ATP8B4: variants seen among roughly 807,000 people sequenced by gnomAD.
ATP8B4 encodes probable phospholipid-transporting ATPase IM.
Under a neutral mutation model 145.6 loss-of-function variants are expected in ATP8B4, and 133 were observed. The ratio of observed to expected loss-of-function variants is 0.91; its 90% CI spans 0.79 to 1.05. The LOEUF is 1.05. Among genes scored for constraint, ATP8B4 ranks in the 50% least tolerant of loss-of-function variants. The pLI is 0.00. For missense variants in ATP8B4, 1,458 were observed against 1,425.2 expected, an observed-to-expected ratio of 1.02 and a Z score of -0.37; for synonymous variants, 507 against 492.9, an observed-to-expected ratio of 1.03 and a Z score of -0.38.
At chr15:50,056,616 A>G (rs1278062996) in intron 3 of ATP8B4, among the ~76,000 whole-genome samples, 2 of 152,096 alleles carry the variant, frequency 1.3e-5, no homozygotes, top group Non-Finnish European at 2.9e-5. Flanking sequence ...TGAGAAATAA[A>G]AAAGAACTTC....
At chr15:49,873,925 T>G (rs1229715882) in intron 25 of ATP8B4, among the ~76,000 whole-genome samples, 3 of 152,334 alleles carry the variant, frequency 2.0e-5, no homozygotes, top group Non-Finnish European at 2.9e-5. Context: ...TGGGCACATT[T>G]GAAAACTGTC....
At chr15:49,933,191 C>T (rs1373512037) in intron 15 of ATP8B4, among the ~76,000 whole-genome samples, 1 of 150,940 alleles carries the variant, frequency 6.6e-6, no homozygotes, top group East Asian at 1.9e-4. Flanking sequence ...AGAAACAATG[C>T]AGAATAAGAT....
At chr15:49,903,714 A>G (rs1218698588) in intron 20 of ATP8B4, among the ~76,000 whole-genome samples, 2 of 152,124 alleles carry the variant, frequency 1.3e-5, no homozygotes, top group African/African-American at 4.8e-5. Flanking sequence ...AACAACATAG[A>G]GAAACCCCCA....
chr15:50,175,754 T>A (rs937608763), intron 1 of ATP8B4, among the ~76,000 whole-genome samples: 2 of 152,212 alleles, frequency 1.3e-5, no homozygotes, highest in African/African-American at 4.8e-5. Context: ...CTAGTGGGAA[T>A]GTAAACTAGT....
At chr15:50,017,255 A>C (rs1210002108) in intron 6 of ATP8B4, among the ~76,000 whole-genome samples, 1 of 152,250 alleles carries the variant, frequency 6.6e-6, no homozygotes, top group Non-Finnish European at 1.5e-5. Flanking sequence ...TCTATTAAAA[A>C]TATTCTACAG....
chr15:50,025,802 C>T (rs1423871930), intron 6 of ATP8B4, among the ~76,000 whole-genome samples: 1 of 152,182 alleles, frequency 6.6e-6, no homozygotes, highest in Non-Finnish European at 1.5e-5. Context: ...CCTGCATTTG[C>T]AGAATATAGC....
intron 3 of ATP8B4, among the ~76,000 whole-genome samples, chr15:50,073,445 A>G (rs2153635419): frequency 6.6e-6 from 1 of 152,290 alleles, no homozygotes; most frequent in Middle Eastern, 3.4e-3. Context: ...ATAGCATTCC[A>G]TGGTGTATAT....
At chr15:50,077,249 G>C (rs191899425) in intron 2 of ATP8B4, among the ~76,000 whole-genome samples, 2 of 152,338 alleles carry the variant, frequency 1.3e-5, no homozygotes, top group East Asian at 3.9e-4. Flanking sequence ...GACTAAAAGA[G>C]CTAAAAGAGC....
intron 2 of ATP8B4, among the ~76,000 whole-genome samples, chr15:50,099,877 A>C (rs1334887068): frequency 6.6e-6 from 1 of 151,978 alleles, no homozygotes; most frequent in Non-Finnish European, 1.5e-5. Flanking sequence ...CTCTACTAAA[A>C]ATACAAAATT....
chr15:50,166,375 T>C (rs554816413), intron 1 of ATP8B4, among the ~76,000 whole-genome samples: 2 of 152,310 alleles, frequency 1.3e-5, no homozygotes, highest in East Asian at 1.9e-4. Flanking sequence ...CTAAATTACA[T>C]CATAATTCAT....
chr15:49,961,224 A>C (rs1358927948), intron 14 of ATP8B4, among the ~76,000 whole-genome samples: 2 of 152,210 alleles, frequency 1.3e-5, no homozygotes, highest in African/African-American at 4.8e-5. Context: ...TAACAAGAGA[A>C]GTTAAAATTA....
rs1357305502 is a variant in ATP8B4, at chr15:49,931,281, G to A, written c.1480C>T (p.Pro494Ser). ...AGELIYQVQS[P>S]DEGALVTAAR... ...GCAGTCACTAGAGCCCCTTCATCAG[G>A]TGACTGAACTTGGTAAATCAGCTCT... Residue 494 changes from proline (P) to serine (S), a missense_variant, in exon 16 of 28, where the codon CCT becomes TCT. Physicochemically the swap from Pro to Ser is moderately conservative, Grantham distance 74. Transcript: ENST00000284509. The A allele has an allele frequency of 6.2e-7, 1 of 1,612,300 alleles. No homozygotes were observed. Among genetic ancestry groups the A allele is most frequent in the South Asian group, 1.1e-5 (1 of 91,000 alleles).
chr15:50,174,539 T>C (rs1188380666), intron 1 of ATP8B4, among the ~76,000 whole-genome samples: 1 of 149,142 alleles, frequency 6.7e-6, no homozygotes, highest in African/African-American at 2.5e-5. Flanking sequence ...TCGATCCCTT[T>C]TACAATCACT....
At chr15:50,023,797 G>GAAAAAAAAAAAAAAAAAAAAAAAAAAAAA (rs1260432604) in intron 6 of ATP8B4, among the ~76,000 whole-genome samples, 1 of 91,598 alleles carries the variant, frequency 1.1e-5, no homozygotes. Flanking sequence ...AAAAAAAAAA[G>GAAAAAAAAAAAAAAAAAAAAAAAAAAAAA]AAAAAAAAGA....
chr15:50,152,048 GT>G (rs1238501016), intron 1 of ATP8B4, among the ~76,000 whole-genome samples: 4 of 151,758 alleles, frequency 2.6e-5, no homozygotes, highest in East Asian at 1.9e-4. Flanking sequence ...ATTAATTTTC[GT>G]TTTGCCTTAT....
chr15:50,104,431 G>A (rs1228554836), intron 2 of ATP8B4, among the ~76,000 whole-genome samples: 1 of 151,982 alleles, frequency 6.6e-6, no homozygotes, highest in African/African-American at 2.4e-5. Context: ...GACATGAATA[G>A]ACAATTCTCA....
intron 1 of ATP8B4, among the ~76,000 whole-genome samples, chr15:50,171,329 T>C (rs1168914948): frequency 1.3e-5 from 2 of 152,146 alleles, no homozygotes; most frequent in East Asian, 3.8e-4. Context: ...TCAATAAATT[T>C]AAAAAAATTG....
chr15:49,923,185 C>T (rs1566997823), intron 17 of ATP8B4, among the ~76,000 whole-genome samples, 194 bp downstream of exon 17: 1 of 152,194 alleles, frequency 6.6e-6, no homozygotes, highest in Non-Finnish European at 1.5e-5. Flanking sequence ...ACTGGACTTC[C>T]AACGGGGCAG....
At chr15:49,928,924 G>C (rs2040989781) in intron 16 of ATP8B4, among the ~76,000 whole-genome samples, 1 of 152,068 alleles carries the variant, frequency 6.6e-6, no homozygotes, top group African/African-American at 2.4e-5. Flanking sequence ...GGATCTATTA[G>C]TCTAGAGAAG....
Sources: gnomAD v4.1 joint callset for allele counts (sites outside exome capture counted in the v4.1 genomes callset) on GRCh38, gnomAD v4.1.1 for gene constraint, MANE v1.5 for transcripts, NCBI Gene and HGNC (gene_info 2026-07-23, HGNC 2026-07-21) for gene names.